Variants in MYO3A observed in about 807,000 individuals in gnomAD.
MYO3A encodes the protein myosin IIIA, also known as myosin-IIIa.
In MYO3A, 180 loss-of-function variants were observed where a neutral mutation model predicts 192.7. That is an observed-to-expected ratio of 0.93 (90% confidence interval 0.83 to 1.06). MYO3A has a LOEUF of 1.06. Among genes scored for constraint, MYO3A ranks in the 50% least tolerant of loss-of-function variants. The pLI, the probability that MYO3A is intolerant of heterozygous loss-of-function variation, is 0.00. For missense variants in MYO3A, 1,896 were observed against 1,905.0 expected (o/e 1.00, Z 0.09); for synonymous variants, 628 against 645.3 (o/e 0.97, Z 0.41).
intron 14 of MYO3A, among the ~76,000 whole-genome samples, chr10:26,082,829 T>C (rs1359937989): frequency 6.6e-6 from 1 of 152,082 alleles, no homozygotes; most frequent in Non-Finnish European, 1.5e-5. Context: ...GACTTCTTTG[T>C]ATAGGCTCAA....
At chr10:26,051,115 C>A (rs1843971347) in intron 10 of MYO3A, among the ~76,000 whole-genome samples, 1 of 152,070 alleles carries the variant, frequency 6.6e-6, no homozygotes, top group African/African-American at 2.4e-5. Flanking sequence ...GCCAGCATAC[C>A]CAATTTCTTG....
chr10:25,948,281 T>C (rs2130505629), intron 2 of MYO3A, among the ~76,000 whole-genome samples: 1 of 152,278 alleles, frequency 6.6e-6, no homozygotes, highest in Admixed American at 6.5e-5. Context: ...AGAATAATTG[T>C]TGAGATGAAT....
At chr10:26,085,777 A>G (rs1056537834) in intron 14 of MYO3A, among the ~76,000 whole-genome samples, 1 of 152,218 alleles carries the variant, frequency 6.6e-6, no homozygotes, top group African/African-American at 2.4e-5. Context: ...AATGACTGCA[A>G]GTGTCCACAG....
chr10:25,946,420 G>A (rs913792914), intron 2 of MYO3A, among the ~76,000 whole-genome samples: 2 of 151,662 alleles, frequency 1.3e-5, no homozygotes, highest in Non-Finnish European at 2.9e-5. Context: ...TTATCCCTCT[G>A]CCTTCTAGCT....
intron 4 of MYO3A, among the ~76,000 whole-genome samples, chr10:25,969,399 A>G (rs932401440): frequency 6.6e-6 from 1 of 152,206 alleles, no homozygotes; most frequent in East Asian, 1.9e-4. Flanking sequence ...GTGCAGTACT[A>G]TCTGTGGTTT....
intron 4 of MYO3A, among the ~76,000 whole-genome samples, chr10:25,968,115 A>C (rs1010558192): frequency 3.3e-5 from 5 of 152,176 alleles, no homozygotes; most frequent in Non-Finnish European, 7.4e-5. Context: ...AAGCCACACT[A>C]AGGTATGTCA....
At chr10:26,207,781 T>C (rs1051299296) in intron 34 of MYO3A, among the ~76,000 whole-genome samples, 2 of 152,192 alleles carry the variant, frequency 1.3e-5, no homozygotes, top group African/African-American at 4.8e-5. Flanking sequence ...TCTATACAAA[T>C]TTTAGGATTT....
rs138066780 is a variant in MYO3A at position 26,137,034 on chromosome 10, A to C, written c.2263-6414A>C. Reference sequence around the variant, plus strand: ...CTCTGTCTCAAAAAACAAAACAAAAAAAAAAGACCCAGTAAGTACAGGTTG... The same window carrying C: ...CTCTGTCTCAAAAAACAAAACAAAACAAAAAGACCCAGTAAGTACAGGTTG... On this transcript the variant is annotated intron_variant, in intron 20 of 34. Coordinates refer to ENST00000642920, the MANE Select transcript of MYO3A (RefSeq NM_017433.5). Among the ~76,000 whole-genome samples the C allele has an allele frequency of 6.5e-3, 955 of 147,280 alleles. 4 individuals carry two copies. The highest frequency in any genetic ancestry group is 0.039 in the Middle Eastern group (11 of 284).
chr10:26,085,839 T>A (rs796775867), intron 14 of MYO3A, among the ~76,000 whole-genome samples: 1 of 152,234 alleles, frequency 6.6e-6, no homozygotes, highest in South Asian at 2.1e-4. Flanking sequence ...TGCAGGGAGC[T>A]GTCCTTCCTT....
rs748614590 is a variant in MYO3A, at chr10:26,212,058, C to T, written c.*95C>T. On this transcript the variant is annotated 3_prime_UTR_variant, in exon 35 of 35. Coordinates refer to ENST00000642920, the MANE Select transcript of MYO3A (RefSeq NM_017433.5). ...ACTCTGGGGCTGGCACCAGCAGGCA[C>T]TGAAGCTGCGGCCCTGATCTCCGCA... 2.0e-6 allele frequency: 3 copies of T among 1,501,748 alleles called. No homozygotes were observed. Among genetic ancestry groups the T allele is most frequent in the Admixed American group, 2.2e-5 (1 of 45,732 alleles). The allele number at this position is 1,501,748 out of a possible 1,614,324, so 93.0% of individuals were successfully genotyped here. A position where few individuals can be genotyped will look rare whatever the true frequency, so the allele number is the denominator to read the frequency against.
chr10:26,194,152 T>C (rs1252293199), intron 32 of MYO3A, among the ~76,000 whole-genome samples: 1 of 152,170 alleles, frequency 6.6e-6, no homozygotes, highest in African/African-American at 2.4e-5. Flanking sequence ...CTATTAATCA[T>C]TTCCCACTGT....
chr10:26,016,433 G>T (rs1841987931), intron 6 of MYO3A, among the ~76,000 whole-genome samples: 2 of 152,092 alleles, frequency 1.3e-5, no homozygotes, highest in Non-Finnish European at 2.9e-5. Flanking sequence ...TAGTGGGCAG[G>T]GACAGGAAGA....
chr10:26,160,765 C>T (rs572728796), intron 26 of MYO3A, among the ~76,000 whole-genome samples: 16 of 152,106 alleles, frequency 1.1e-4, no homozygotes, highest in African/African-American at 2.4e-4. Context: ...CAAAAGCTAG[C>T]GGGACTTAGA....
chr10:26,144,131 G>A (rs1301771601), intron 21 of MYO3A, among the ~76,000 whole-genome samples: 2 of 151,530 alleles, frequency 1.3e-5, no homozygotes, highest in Non-Finnish European at 2.9e-5. Context: ...GTTTGAGAAA[G>A]CAAAGAAATG....
intron 4 of MYO3A, among the ~76,000 whole-genome samples, chr10:25,957,398 C>T (rs1256289261): frequency 6.6e-6 from 1 of 152,146 alleles, no homozygotes; most frequent in African/African-American, 2.4e-5. Flanking sequence ...TGAGGCCTCC[C>T]CAGCCGTGTG....
At chr10:25,961,483 G>A (rs1837926918) in intron 4 of MYO3A, among the ~76,000 whole-genome samples, 2 of 152,070 alleles carry the variant, frequency 1.3e-5, no homozygotes, top group Non-Finnish European at 2.9e-5. Context: ...TGAATCAGTA[G>A]AGTCGCTACA....
intron 7 of MYO3A, among the ~76,000 whole-genome samples, chr10:26,019,505 A>C (rs531656494): frequency 2.0e-5 from 3 of 152,074 alleles, no homozygotes; most frequent in Non-Finnish European, 2.9e-5. Flanking sequence ...TTTAGTAGAG[A>C]TGGAGTTTCA....
chr10:25,996,388 A>T, intron 4 of MYO3A, 102 bp from the exon 5 acceptor site: 1 of 872,238 alleles, frequency 1.1e-6, no homozygotes, highest in Non-Finnish European at 1.9e-6. Flanking sequence ...CATTTGAAAG[A>T]GAACATTGGA....
At chr10:26,033,450 C>T (rs1009994930) in intron 10 of MYO3A, among the ~76,000 whole-genome samples, 1 of 152,154 alleles carries the variant, frequency 6.6e-6, no homozygotes, top group Admixed American at 6.6e-5. Context: ...TTATCTTAAC[C>T]TATTCCTCTC....
Sources: gnomAD v4.1 joint callset for allele counts (sites outside exome capture counted in the v4.1 genomes callset) on GRCh38, gnomAD v4.1.1 for gene constraint, MANE v1.5 for transcripts, NCBI Gene and HGNC (gene_info 2026-07-23, HGNC 2026-07-21) for gene names.